Variants in DICER1 observed in about 807,000 individuals in gnomAD.
DICER1 encodes endoribonuclease Dicer.
DICER1 carries 43 observed loss-of-function variants against 194.1 expected under a neutral mutation model. The ratio of observed to expected loss-of-function variants is 0.22; its 90% CI spans 0.17 to 0.29. The LOEUF is 0.29. Ranked by LOEUF, DICER1 falls within the 10% of genes least tolerant of loss-of-function variation. DICER1 has a pLI of 1.00. For synonymous variants in DICER1, 832 were observed against 820.5 expected (o/e 1.01, Z -0.24); for missense variants, 1,608 against 2,317.0 (o/e 0.69, Z 6.28).
At chr14:95,132,014 T>C (rs1157700976) in intron 3 of DICER1, among the ~76,000 whole-genome samples, 1 of 152,198 alleles carries the variant, frequency 6.6e-6, no homozygotes, top group Non-Finnish European at 1.5e-5. Flanking sequence ...GACATGAATA[T>C]ATTAGTGCCC....
At chr14:95,128,471 T>G (rs1018754189) in intron 6 of DICER1, among the ~76,000 whole-genome samples, 5 of 152,178 alleles carry the variant, frequency 3.3e-5, no homozygotes, top group Non-Finnish European at 5.9e-5. Flanking sequence ...GTCGTAAGAT[T>G]TATATTTCAC....
intron 1 of DICER1, among the ~76,000 whole-genome samples, chr14:95,136,413 G>A (rs753168052): frequency 6.6e-6 from 1 of 151,910 alleles, no homozygotes. Context: ...AGAATCACTC[G>A]ATCACTCAGG....
chr14:95,094,572 G>A (rs181660213), intron 23 of DICER1, among the ~76,000 whole-genome samples: 1 of 152,284 alleles, frequency 6.6e-6, no homozygotes, highest in East Asian at 1.9e-4. Context: ...TGGCTACACT[G>A]TGCTGCCATC....
chr14:95,107,539 C>A, intron 17 of DICER1, 69 bp downstream of exon 17: 1 of 1,543,258 alleles, frequency 6.5e-7, no homozygotes, highest in Non-Finnish European at 9.0e-7. Flanking sequence ...CGTGAGCCAC[C>A]GTGCCCGACC....
At chr14:95,142,401 G>A (rs1307963844) in intron 1 of DICER1, among the ~76,000 whole-genome samples, 1 of 151,902 alleles carries the variant, frequency 6.6e-6, no homozygotes, top group Non-Finnish European at 1.5e-5. Flanking sequence ...ATTCTATACC[G>A]CCACCTAGTA....
rs1317816830 is a variant in DICER1 at position 95,106,023 on chromosome 14, A to G, written c.2987+18T>C. Reference sequence around the variant, plus strand: ...ATCCCTCAAGTGCAATCCAAGTGTCATCTCTGAAGCCCCTTACCTTGAAGA... The same window carrying G: ...ATCCCTCAAGTGCAATCCAAGTGTCGTCTCTGAAGCCCCTTACCTTGAAGA... On this transcript the variant is annotated intron_variant, in intron 18 of 26. Transcript: ENST00000343455. The G allele has an allele frequency of 6.2e-6, 10 of 1,613,540 alleles. No individual in the cohort carries two copies. The highest frequency in any genetic ancestry group is 8.5e-6 in the Non-Finnish European group (10 of 1,179,474).
chr14:95,150,378 C>A (rs1487452763), intron 1 of DICER1, among the ~76,000 whole-genome samples: 1 of 152,108 alleles, frequency 6.6e-6, no homozygotes, highest in African/African-American at 2.4e-5. Context: ...CCCAGCTACT[C>A]AGGAGGCTGA....
At chr14:95,115,972 C>T (rs1433511303) in intron 10 of DICER1, 151 bp from the exon 11 acceptor site, 4 of 773,362 alleles carry the variant, frequency 5.2e-6, no homozygotes, top group African/African-American at 3.4e-5. Context: ...CTGCAGACAC[C>T]TTCTTCCAAT....
intron 1 of DICER1, among the ~76,000 whole-genome samples, chr14:95,141,511 A>G (rs1894828607): frequency 6.6e-6 from 1 of 152,210 alleles, no homozygotes; most frequent in Non-Finnish European, 1.5e-5. Context: ...CTCCACTACC[A>G]TAAGCTCAGG....
chr14:95,135,414 G>A (rs1196035567), intron 1 of DICER1, among the ~76,000 whole-genome samples: 2 of 152,042 alleles, frequency 1.3e-5, no homozygotes, highest in Non-Finnish European at 2.9e-5. Context: ...CCAGAAACCA[G>A]GTATGTCCAG....
rs117875424 is a variant in DICER1, at chr14:95,120,348, G to A, written c.1377-2594C>T. On this transcript the variant is annotated intron_variant, in intron 8 of 26. Transcript: ENST00000343455. The stretch of plus-strand genomic sequence containing the variant: ...GAAGAATTAGCATCTACTGTGTGCT[G>A]GTTGATAAAACTGCCATTTTTAATA... 6.4e-4 allele frequency among the ~76,000 whole-genome samples: 97 copies of A among 152,306 alleles called. No individual in the cohort carries two copies. In the East Asian group the frequency reaches 0.017, roughly 26 times the overall value.
intron 13 of DICER1, 60 bp downstream of exon 13, chr14:95,112,111 CT>C (rs138357816): frequency 3.5e-4 from 504 of 1,425,774 alleles, no homozygotes; most frequent in Non-Finnish European, 4.3e-4. Flanking sequence ...CCTCTATATG[CT>C]TTTTTTTTAC....
intron 11 of DICER1, among the ~76,000 whole-genome samples, chr14:95,114,002 T>C (rs1478891239): frequency 6.6e-6 from 1 of 152,210 alleles, no homozygotes; most frequent in Non-Finnish European, 1.5e-5. Flanking sequence ...GGAGGAAATC[T>C]AGAATGAAAC....
At position 95,091,087 on chromosome 14, in the gene DICER1, G is replaced by A. The variant is rs377325189; in HGVS notation, c.5550C>T (p.Pro1850=). 1 of 1,614,006 alleles carries A rather than the reference G, an allele frequency of 6.2e-7. No homozygotes were observed. Among genetic ancestry groups the A allele is most frequent in the Non-Finnish European group, 8.5e-7 (1 of 1,179,988 alleles). Residue 1850 remains proline, a synonymous_variant, in exon 26 of 27, where the codon CCC becomes CCT. Coordinates refer to ENST00000343455, the MANE Select transcript of DICER1 (RefSeq NM_177438.3). ...PLIEKFSANV[P]RSPVRELLEM... ...CAAGCAATTCTCGCACAGGGGAACG[G>A]GGTACATTTGCAGAAAACTTTTCTG...
At chr14:95,156,557 G>T (rs982863267) in intron 1 of DICER1, among the ~76,000 whole-genome samples, 2 of 152,212 alleles carry the variant, frequency 1.3e-5, no homozygotes, top group Non-Finnish European at 1.5e-5. Context: ...ACAGAAATCT[G>T]ATGTGCTAAC....
chr14:95,133,641 G>C, intron 1 of DICER1, 138 bp from the exon 2 acceptor site: 2 of 677,438 alleles, frequency 3.0e-6, no homozygotes, highest in Non-Finnish European at 5.0e-6. Context: ...GCTTTTTCTT[G>C]ATCTAAGAGG....
intron 1 of DICER1, among the ~76,000 whole-genome samples, chr14:95,135,834 A>C (rs1033192641): frequency 3.3e-5 from 5 of 152,174 alleles, no homozygotes; most frequent in Non-Finnish European, 7.4e-5. Flanking sequence ...GATTGTTTCA[A>C]TATTTTGGCT....
intron 8 of DICER1, among the ~76,000 whole-genome samples, chr14:95,118,332 T>A (rs1353301519): frequency 6.6e-6 from 1 of 152,222 alleles, no homozygotes. Context: ...TCCTATCACC[T>A]GATATCATTA....
In DICER1 at chr14:95,113,157, G is replaced by A. The variant is rs1347537043; in HGVS notation, c.1975C>T (p.Pro659Ser). ...AGAGTTGAATAAAATGTACCATCAG[G>A]CAACTCTCGGGTTCTGCATTTAGGA... The part of the protein sequence containing the change: ...LAPKCRTREL[P>S]DGTFYSTLYL... The change falls in exon 12 of 27, where the codon CCT becomes TCT. Residue 659 changes from proline (P) to serine (S), a missense_variant. By Grantham distance (74) the Pro-to-Ser change is moderately conservative (BLOSUM62 -1). Transcript: ENST00000343455. 1.9e-6 allele frequency: 3 copies of A among 1,612,860 alleles called. No individual in the cohort carries two copies. The highest frequency in any genetic ancestry group is 1.7e-5 in the Admixed American group (1 of 60,024).
Sources: gnomAD v4.1 joint callset for allele counts (sites outside exome capture counted in the v4.1 genomes callset) on GRCh38, gnomAD v4.1.1 for gene constraint, MANE v1.5 for transcripts, NCBI Gene and HGNC (gene_info 2026-07-23, HGNC 2026-07-21) for gene names.